ALDH1L1: variants seen among roughly 807,000 people sequenced by gnomAD.
ALDH1L1 encodes the protein cytosolic 10-formyltetrahydrofolate dehydrogenase.
Under a neutral mutation model 101.1 loss-of-function variants are expected in ALDH1L1, and 68 were observed. The ratio of observed to expected loss-of-function variants is 0.67; its 90% CI spans 0.55 to 0.82. ALDH1L1 has a LOEUF of 0.82. Ranked by LOEUF, ALDH1L1 falls within the 40% of genes least tolerant of loss-of-function variation. The pLI, the probability that ALDH1L1 is intolerant of heterozygous loss-of-function variation, is 0.00. For missense variants in ALDH1L1, 1,087 were observed against 1,172.7 expected, an observed-to-expected ratio of 0.93 and a Z score of 1.07; for synonymous variants, 486 against 470.8, an observed-to-expected ratio of 1.03 and a Z score of -0.42.
At chr3:126,187,259 A>C (rs1363824042) in intron 1 of ALDH1L1, among the ~76,000 whole-genome samples, 1 of 151,408 alleles carries the variant, frequency 6.6e-6, no homozygotes, top group African/African-American at 2.4e-5. Context: ...GTTCCTAAAA[A>C]CGGGGGGAAG....
chr3:126,158,696 A>G, intron 2 of ALDH1L1, 57 bp from the exon 3 acceptor site: 1 of 1,529,198 alleles, frequency 6.5e-7, no homozygotes, highest in Non-Finnish European at 9.0e-7. Context: ...ACACGCAGCC[A>G]CCTCTGCCTT....
intron 3 of ALDH1L1, among the ~76,000 whole-genome samples, chr3:126,157,752 G>T (rs914991517): frequency 7.2e-5 from 11 of 152,152 alleles, no homozygotes; most frequent in Admixed American, 3.9e-4. Flanking sequence ...GGGATAACAG[G>T]TATACTCGGT....
chr3:126,157,229 A>T, intron 4 of ALDH1L1, 114 bp downstream of exon 4: 1 of 1,327,164 alleles, frequency 7.5e-7, no homozygotes, highest in South Asian at 1.5e-5. Context: ...CTCCCTCCAG[A>T]ATCCTGAATT....
chr3:126,143,683 G>A (rs374197714), intron 9 of ALDH1L1, among the ~76,000 whole-genome samples: 25 of 152,324 alleles, frequency 1.6e-4, no homozygotes, highest in Admixed American at 6.5e-4. Context: ...TGGGCCAAGT[G>A]TAACGCCTCA....
chr3:126,109,685 C>G (rs1414559657), intron 20 of ALDH1L1, among the ~76,000 whole-genome samples: 1 of 151,626 alleles, frequency 6.6e-6, no homozygotes, highest in African/African-American at 2.4e-5. Flanking sequence ...ACTGTCAAGG[C>G]TGCGGTGACA....
chr3:126,137,129 G>GGGCTAAGAGGACTCAGAGT (rs1373580259), intron 10 of ALDH1L1, among the ~76,000 whole-genome samples: 2 of 142,930 alleles, frequency 1.4e-5, no homozygotes, highest in African/African-American at 2.8e-5. Flanking sequence ...TCCTTAGGGT[G>GGGCTAAGAGGACTCAGAGT]GGCTAAGAGG....
At chr3:126,117,876 C>T (rs1036207978) in intron 17 of ALDH1L1, 129 bp downstream of exon 17, 49 of 919,994 alleles carry the variant, frequency 5.3e-5, no homozygotes, top group Non-Finnish European at 6.7e-6. Flanking sequence ...TTGCATAGAG[C>T]CCAGCAGGGC....
At chr3:126,147,590 C>G (rs886895119) in intron 8 of ALDH1L1, among the ~76,000 whole-genome samples, 2 of 152,216 alleles carry the variant, frequency 1.3e-5, no homozygotes, top group African/African-American at 4.8e-5. Context: ...GGGATGACTG[C>G]TCTCTGGGCA....
intron 19 of ALDH1L1, 131 bp downstream of exon 19, chr3:126,112,651 C>CG (rs36012619): frequency 3.6e-5 from 29 of 809,088 alleles, no homozygotes; most frequent in Middle Eastern, 7.0e-4. Context: ...CCCTGACCCC[C>CG]GGGGGGAGTG....
At chr3:126,190,500 G>A (rs1576513536) in intron 1 of ALDH1L1, among the ~76,000 whole-genome samples, 1 of 152,166 alleles carries the variant, frequency 6.6e-6, no homozygotes, top group East Asian at 1.9e-4. Flanking sequence ...CTGAATTTAC[G>A]TGTTTTCAGA....
At chr3:126,180,591 G>C, upstream of ALDH1L1, 1 of 1,188,694 alleles carries the variant, frequency 8.4e-7, no homozygotes, top group South Asian at 2.3e-5. Flanking sequence ...ACCTGTCCCC[G>C]CCAGTCCGCG....
chr3:126,197,125 G>C (rs2081585853), intron 1 of ALDH1L1, among the ~76,000 whole-genome samples: 1 of 152,106 alleles, frequency 6.6e-6, no homozygotes, highest in Non-Finnish European at 1.5e-5. Context: ...TTTGTTTCAG[G>C]GACCTGCTGC....
chr3:126,157,638 C>T (rs983564011), intron 3 of ALDH1L1, 130 bp from the exon 4 acceptor site: 12 of 969,204 alleles, frequency 1.2e-5, no homozygotes, highest in South Asian at 1.7e-5. Flanking sequence ...ACACCGGCTC[C>T]GGCGGGAAAC....
chr3:126,140,169 T>C (rs7639966), intron 9 of ALDH1L1, among the ~76,000 whole-genome samples: 91,261 of 151,962 alleles, frequency 0.6, 27,747 homozygotes, highest in Middle Eastern at 0.7. Context: ...AAGAGAGAAA[T>C]GGCTTGTTAT....
intron 16 of ALDH1L1, among the ~76,000 whole-genome samples, chr3:126,121,305 AG>A (rs1447508986): frequency 6.6e-6 from 1 of 152,204 alleles, no homozygotes; most frequent in African/African-American, 2.4e-5. Context: ...CTCGGTTTGC[AG>A]TGCTTGGTGA....
At position 126,143,495 on chromosome 3, in the gene ALDH1L1, T is replaced by C. The variant is rs1274536725; in HGVS notation, c.1076+3340A>G. 1.6e-4 allele frequency among the ~76,000 whole-genome samples: 25 copies of C among 152,326 alleles called. 1 individual carries two copies. Among genetic ancestry groups the C allele is most frequent in the African/African-American group, 5.3e-4 (22 of 41,584 alleles). ...TCCACTTAATATTTTCCAACCATGA[T>C]TGACCATGGGTAACTTAAACTTCAG... On this transcript the variant is annotated intron_variant, in intron 9 of 22. Transcript: ENST00000393434.
chr3:126,106,621 C>T (rs77063292), intron 21 of ALDH1L1, among the ~76,000 whole-genome samples: 4,162 of 152,248 alleles, frequency 0.027, 179 homozygotes, highest in African/African-American at 0.091. Context: ...ACCTGGCCTC[C>T]GAAGGGAACC....
intron 14 of ALDH1L1, 137 bp downstream of exon 14, chr3:126,130,086 G>A: frequency 1.4e-6 from 1 of 700,280 alleles, no homozygotes; most frequent in Non-Finnish European, 2.1e-6. Flanking sequence ...CATGGAGCAG[G>A]TGCTCAAGAA....
intron 9 of ALDH1L1, 106 bp from the exon 10 acceptor site, chr3:126,138,066 A>G: frequency 7.0e-7 from 1 of 1,426,168 alleles, no homozygotes; most frequent in South Asian, 1.3e-5. Context: ...GCTCCATCCC[A>G]GCACCGAGAG....
Sources: gnomAD v4.1 joint callset for allele counts (sites outside exome capture counted in the v4.1 genomes callset) on GRCh38, gnomAD v4.1.1 for gene constraint, MANE v1.5 for transcripts, NCBI Gene and HGNC (gene_info 2026-07-23, HGNC 2026-07-21) for gene names.